The following PRSS36 variants were observed in gnomAD, a reference collection of about 807,000 sequenced individuals.
PRSS36 encodes polyserase-2.
A neutral mutation model predicts 94.3 loss-of-function variants in PRSS36; 90 were observed. The observed-to-expected ratio is 0.95, with a 90% CI of 0.80 to 1.14. The LOEUF is 1.14. Among genes scored for constraint, PRSS36 ranks in the 50% most tolerant of loss-of-function variants. The pLI, the probability that PRSS36 is intolerant of heterozygous loss-of-function variation, is 0.00. For synonymous variants in PRSS36, 500 were observed against 489.6 expected, an observed-to-expected ratio of 1.02 and a Z score of -0.28; for missense variants, 1,158 against 1,135.0, an observed-to-expected ratio of 1.02 and a Z score of -0.29.
Position 31,141,620 on chromosome 16 carries a change from G to A in PRSS36, c.1760-10C>T. On this transcript the variant is annotated splice_polypyrimidine_tract_variant and intron_variant, in intron 11 of 14. Transcript: ENST00000268281. ...AGCCGCAGGCCACAGGCTAGGGAGA[G>A]GAGGTGGCCACCTCAGTTGGGGCCC... 6.2e-7 allele frequency: 1 copy of A among 1,612,598 alleles called. No individual in the cohort carries two copies. Among genetic ancestry groups the A allele is most frequent in the South Asian group, 1.1e-5 (1 of 91,018 alleles).
Position 31,149,317 on chromosome 16 carries a change from T to A in PRSS36, c.110-82A>T, listed in dbSNP as rs1191448340. The A allele has an allele frequency of 2.0e-6, 3 of 1,508,384 alleles. No individual in the cohort carries two copies. In the African/African-American group the frequency reaches 4.2e-5, roughly 21 times the overall value. The allele number at this position is 1,508,384 out of a possible 1,614,324, so 93.4% of individuals were successfully genotyped here. ...CCAGGTAACTCAGGACGAAGGCCCGTCCTCCACCCACTTCAGTTTGCCCCT... is the reference window on the plus strand; with the variant it reads ...CCAGGTAACTCAGGACGAAGGCCCGACCTCCACCCACTTCAGTTTGCCCCT... On this transcript the variant is annotated intron_variant, in intron 3 of 14. Transcript: ENST00000268281.
In PRSS36 at chr16:31,143,903, C is replaced by T. The variant is rs1016914515; in HGVS notation, c.721-66G>A. The T allele has an allele frequency of 3.8e-6, 6 of 1,591,028 alleles. No homozygotes were observed. The Admixed American group carries it at 8.5e-5, about 22-fold the overall frequency. On this transcript the variant is annotated intron_variant, in intron 6 of 14. Coordinates refer to ENST00000268281, the MANE Select transcript of PRSS36 (RefSeq NM_173502.5). Reference sequence around the variant, plus strand: ...ACCTACTCGAAAAGGTCCTGCACCTCCTTTTGGCCCAACATACACCACCTT... The same window carrying T: ...ACCTACTCGAAAAGGTCCTGCACCTTCTTTTGGCCCAACATACACCACCTT...
rs764269308 is a variant in PRSS36 at position 31,149,726 on chromosome 16, T to A, written c.43A>T (p.Ser15Cys). Reference sequence around the variant, plus strand: ...TCCTGGAAGGCTCCTGGGATGGGACTGATGACTGGAAAGACAGAGGTAGGC... The same window carrying A: ...TCCTGGAAGGCTCCTGGGATGGGACAGATGACTGGAAAGACAGAGGTAGGC... ...LLLPLVMLVI[S>C]PIPGAFQDSA... Residue 15 changes from serine to cysteine, a missense_variant, in exon 2 of 15, where the codon AGT (serine) becomes TGT (cysteine). Physicochemically the swap from Ser to Cys is moderately radical, Grantham distance 112 (BLOSUM62 -1). Transcript: ENST00000268281. 4 of 1,614,064 alleles carry A rather than the reference T, an allele frequency of 2.5e-6. No individual in the cohort carries two copies. Among genetic ancestry groups the A allele is most frequent in the African/African-American group, 2.7e-5 (2 of 74,928 alleles).
chr16:31,139,184 T>G lies in PRSS36; in HGVS notation c.2522A>C (p.His841Pro). 1 of 1,603,932 alleles carries G rather than the reference T, an allele frequency of 6.2e-7. No individual in the cohort carries two copies. The highest frequency in any genetic ancestry group is 8.5e-7 in the Non-Finnish European group (1 of 1,173,592). Residue 841 changes from histidine (H) to proline (P), a missense_variant, in exon 15 of 15, where the codon CAT (histidine) becomes CCT (proline). Coordinates refer to ENST00000268281, the MANE Select transcript of PRSS36 (RefSeq NM_173502.5). ...PELAKASGSPHAVYFLLLLTL... is the reference protein window; with the variant it reads ...PELAKASGSPPAVYFLLLLTL... ...CAGCAGGAGCAGGAAGTAGACTGCA[T>G]GCGGGGATCCCGAGGCCTTGGCCAG...
In PRSS36 at chr16:31,142,632, C is replaced by A; in HGVS notation, c.1370G>T (p.Gly457Val). The change falls in exon 10 of 15, where the codon GGC (glycine) becomes GTC (valine). Residue 457 changes from glycine (G) to valine (V), a missense_variant. By Grantham distance (109) the Gly-to-Val change is moderately radical (BLOSUM62 -3). Transcript: ENST00000268281. ...ARWGRGEPAL[G>V]PGALLEAELL... ...CTCCGCCTCCAGCAGCGCGCCTGGG[C>A]CAAGCGCGGGTTCTGGAAGGGAAAA... 2 of 1,483,670 alleles carry A rather than the reference C, an allele frequency of 1.3e-6. No homozygotes were observed. The highest frequency in any genetic ancestry group is 1.3e-5 in the South Asian group (1 of 78,878). 91.9% of individuals were successfully genotyped at this position (1,483,670 alleles called of 1,614,324 possible). A position where few individuals can be genotyped will look rare whatever the true frequency, so the allele number is the denominator to read the frequency against.
At position 31,150,050 on chromosome 16, in the gene PRSS36, C is replaced by T. The variant is rs9925820; in HGVS notation, c.-15G>A. 1,594 of 1,613,096 alleles carry T rather than the reference C, an allele frequency of 9.9e-4. 19 individuals carry two copies. The African/African-American group carries it at 0.02, about 20-fold the overall frequency. ...TGCCGGGCCATGGCGCTAGAGTCAGCGGAGGCAGAGCCAAGTGAAGGTCTG... is the reference window on the plus strand; with the variant it reads ...TGCCGGGCCATGGCGCTAGAGTCAGTGGAGGCAGAGCCAAGTGAAGGTCTG... On this transcript the variant is annotated 5_prime_UTR_variant, in exon 1 of 15. Transcript: ENST00000268281.
In PRSS36 at chr16:31,140,724, C is replaced by A; in HGVS notation, c.1935G>T (p.Val645=). 1.2e-6 allele frequency: 2 copies of A among 1,614,096 alleles called. No individual in the cohort carries two copies. The highest frequency in any genetic ancestry group is 1.7e-6 in the Non-Finnish European group (2 of 1,179,986). Residue 645 remains valine, a synonymous_variant, in exon 13 of 15, where the codon GTG becomes GTT. Coordinates refer to ENST00000268281, the MANE Select transcript of PRSS36 (RefSeq NM_173502.5). ...PGSTTVPYIE[V]YLGRAGASSL... is the part of the protein sequence containing the mutation. ...AGCTGGCCCCTGCCCGGCCCAGATA[C>A]ACTTCAATGTAAGGCACTGTTGTAG...
intron 2 of PRSS36, 34 bp downstream of exon 2, chr16:31,149,662 T>C: frequency 1.2e-6 from 2 of 1,614,076 alleles, no homozygotes; most frequent in Non-Finnish European, 1.7e-6. Flanking sequence ...TTTCTGCCTC[T>C]GCACGTGACT....
chr16:31,149,836 C>T, intron 1 of PRSS36, 105 bp from the exon 2 acceptor site: 1 of 1,562,010 alleles, frequency 6.4e-7, no homozygotes, highest in Non-Finnish European at 8.8e-7. Flanking sequence ...CCCAGGGCAC[C>T]CAGGCCTCCC....
At chr16:31,149,009 A>G (rs2057850239) in intron 4 of PRSS36, 64 bp downstream of exon 4, 5 of 1,434,972 alleles carry the variant, frequency 3.5e-6, no homozygotes, top group Non-Finnish European at 4.7e-6. Flanking sequence ...GGAGGAGGGG[A>G]CCAACTGCGG....
intron 6 of PRSS36, among the ~76,000 whole-genome samples, chr16:31,144,904 A>G (rs955544096): frequency 1.4e-4 from 21 of 151,616 alleles, no homozygotes; most frequent in East Asian, 3.9e-4. Context: ...CCTGACTAAC[A>G]TGGAGAAACC....
rs751201168 is a variant in PRSS36 at position 31,149,056 on chromosome 16, C to G, written c.272+17G>C. The G allele has an allele frequency of 3.2e-6, 5 of 1,575,228 alleles. No homozygotes were observed. In the Admixed American group the frequency reaches 7.4e-5, roughly 23 times the overall value. On this transcript the variant is annotated intron_variant, in intron 4 of 14. Coordinates refer to ENST00000268281, the MANE Select transcript of PRSS36 (RefSeq NM_173502.5). Reference sequence around the variant, plus strand: ...AGCTTTTGGCGGAGAGGGGCCAGGACCAGGGCGAATACTCACGTCATGAAA... The same window carrying G: ...AGCTTTTGGCGGAGAGGGGCCAGGAGCAGGGCGAATACTCACGTCATGAAA...
At chr16:31,147,633 A>T (rs1484550756) in intron 5 of PRSS36, among the ~76,000 whole-genome samples, 1 of 152,202 alleles carries the variant, frequency 6.6e-6, no homozygotes, top group African/African-American at 2.4e-5. Flanking sequence ...TCTATCTCCT[A>T]GGATGTAAAC....
At chr16:31,143,895 C>T (rs2057758528) in intron 6 of PRSS36, 58 bp from the exon 7 acceptor site, 1 of 1,599,886 alleles carries the variant, frequency 6.3e-7, no homozygotes, top group Non-Finnish European at 8.5e-7. Context: ...CGAAAAGGTC[C>T]TGCACCTCCT....
Position 31,140,727 on chromosome 16 carries a change from T to G in PRSS36, c.1932A>C (p.Glu644Asp). Residue 644 changes from glutamate to aspartate, a missense_variant, in exon 13 of 15, where the codon GAA becomes GAC. Transcript: ENST00000268281. The part of the protein sequence containing the change: ...RPGSTTVPYI[E>D]VYLGRAGASS... ...TGGCCCCTGCCCGGCCCAGATACACTTCAATGTAAGGCACTGTTGTAGAGC... is the reference window on the plus strand; with the variant it reads ...TGGCCCCTGCCCGGCCCAGATACACGTCAATGTAAGGCACTGTTGTAGAGC... The G allele has an allele frequency of 6.2e-7, 1 of 1,614,050 alleles. No homozygotes were observed. Among genetic ancestry groups the G allele is most frequent in the African/African-American group, 1.3e-5 (1 of 75,016 alleles).
chr16:31,139,521 A>G, intron 14 of PRSS36, 105 bp from the exon 15 acceptor site: 1 of 1,340,006 alleles, frequency 7.5e-7, no homozygotes, highest in Non-Finnish European at 1.0e-6. Flanking sequence ...GCATCCCTAG[A>G]CATCCAGGTC....
intron 1 of PRSS36, 90 bp from the exon 2 acceptor site, chr16:31,149,821 G>T: frequency 3.1e-6 from 5 of 1,587,816 alleles, no homozygotes; most frequent in Non-Finnish European, 4.3e-6. Context: ...CCTAGCCTCC[G>T]TCTCCCCAGG....
At chr16:31,146,350 C>T (rs1007098125) in intron 5 of PRSS36, among the ~76,000 whole-genome samples, 3 of 151,114 alleles carry the variant, frequency 2.0e-5, no homozygotes, top group African/African-American at 7.2e-5. Context: ...TGGGTGTCAT[C>T]CCTGTCTCCT....
intron 8 of PRSS36, 134 bp from the exon 9 acceptor site, chr16:31,143,127 T>G (rs1413473757): frequency 1.5e-6 from 2 of 1,312,636 alleles, no homozygotes; most frequent in Non-Finnish European, 2.0e-6. Flanking sequence ...TTCCAACAGC[T>G]CACTCACACC....
Sources: gnomAD v4.1 joint callset for allele counts (sites outside exome capture counted in the v4.1 genomes callset) on GRCh38, gnomAD v4.1.1 for gene constraint, MANE v1.5 for transcripts, NCBI Gene and HGNC (gene_info 2026-07-23, HGNC 2026-07-21) for gene names.